SEMA5A: variants seen among roughly 807,000 people sequenced by gnomAD.
SEMA5A encodes semaphorin 5A.
A neutral mutation model predicts 135.5 loss-of-function variants in SEMA5A; 55 were observed. The ratio of observed to expected loss-of-function variants is 0.41; its 90% CI spans 0.33 to 0.51. The LOEUF is 0.51. Ranked by LOEUF, SEMA5A falls within the 20% of genes least tolerant of loss-of-function variation. The probability of loss-of-function intolerance (pLI) is 0.37; values close to 1 mark genes in which losing one functional copy is unlikely to be tolerated. For missense variants in SEMA5A, 1,290 were observed against 1,419.9 expected (o/e 0.91, Z 1.47); for synonymous variants, 580 against 546.5 (o/e 1.06, Z -0.85).
At chr5:9,305,453 T>G (rs1412361210) in intron 5 of SEMA5A, among the ~76,000 whole-genome samples, 8 of 152,006 alleles carry the variant, frequency 5.3e-5, no homozygotes, top group African/African-American at 1.9e-4. Context: ...TTTTCGTAAC[T>G]GGGAACTGCA....
intron 11 of SEMA5A, among the ~76,000 whole-genome samples, chr5:9,163,996 T>TATATA (rs1337995354): frequency 6.9e-6 from 1 of 144,306 alleles, no homozygotes; most frequent in Admixed American, 7.2e-5. Context: ...ATATATTATG[T>TATATA]ATATAATATA....
At chr5:9,251,025 G>A (rs947996688) in intron 5 of SEMA5A, among the ~76,000 whole-genome samples, 1 of 152,162 alleles carries the variant, frequency 6.6e-6, no homozygotes, top group African/African-American at 2.4e-5. Flanking sequence ...GGGACAACTA[G>A]GTCTTGAGAG....
chr5:9,458,879 T>C (rs1243473474), intron 1 of SEMA5A, among the ~76,000 whole-genome samples: 1 of 152,230 alleles, frequency 6.6e-6, no homozygotes, highest in Admixed American at 6.5e-5. Flanking sequence ...CAGATTTGTA[T>C]CAAAGGCATC....
chr5:9,441,746 G>A (rs1443914271), intron 1 of SEMA5A, among the ~76,000 whole-genome samples: 7 of 152,124 alleles, frequency 4.6e-5, no homozygotes, highest in Admixed American at 1.3e-4. Flanking sequence ...AGCCAGCATC[G>A]GCTAGCAGCA....
chr5:9,501,891 C>T (rs1439917783), intron 1 of SEMA5A, among the ~76,000 whole-genome samples: 1 of 152,132 alleles, frequency 6.6e-6, no homozygotes, highest in Admixed American at 6.5e-5. Context: ...AAATGGAAAA[C>T]CCAAAACTTT....
intron 4 of SEMA5A, among the ~76,000 whole-genome samples, chr5:9,323,725 G>T (rs1392609938): frequency 7.5e-6 from 1 of 133,734 alleles, no homozygotes; most frequent in South Asian, 2.5e-4. Flanking sequence ...GCAATGGCAT[G>T]ATCTCGACTC....
At chr5:9,244,075 AT>A (rs1475696976) in intron 5 of SEMA5A, among the ~76,000 whole-genome samples, 1 of 152,194 alleles carries the variant, frequency 6.6e-6, no homozygotes, top group Non-Finnish European at 1.5e-5. Flanking sequence ...AAGGACCATG[AT>A]TTGCCTAATG....
chr5:9,129,469 AT>A (rs1741286837), intron 13 of SEMA5A, among the ~76,000 whole-genome samples: 1 of 152,246 alleles, frequency 6.6e-6, no homozygotes, highest in Non-Finnish European at 1.5e-5. Context: ...TCTGTGTTGC[AT>A]TTAAGCACTT....
chr5:9,379,915 A>G lies in SEMA5A; in HGVS notation c.32T>C (p.Phe11Ser), dbSNP rs1422150016. 1 of 1,613,954 alleles carries G rather than the reference A, an allele frequency of 6.2e-7. No individual in the cohort carries two copies. Among genetic ancestry groups the G allele is most frequent in the Admixed American group, 1.7e-5 (1 of 59,996 alleles). The change falls in exon 3 of 23, where the codon TTC becomes TCC. Residue 11 changes from phenylalanine (F) to serine (S), a missense_variant. Physicochemically the swap from Phe to Ser is radical, Grantham distance 155. Coordinates refer to ENST00000382496, the MANE Select transcript of SEMA5A (RefSeq NM_003966.3). MKGTCVIAWLFSSLGLWRLAH... is the reference protein window; with the variant it reads MKGTCVIAWLSSSLGLWRLAH... ...GAGTCTCCACAGCCCCAGGCTTGAG[A>G]ACAGCCATGCTATAACACAGGTTCC... is the stretch of plus-strand genomic sequence containing the variant.
chr5:9,252,750 T>C (rs903950641), intron 5 of SEMA5A, among the ~76,000 whole-genome samples: 2 of 152,206 alleles, frequency 1.3e-5, no homozygotes, highest in African/African-American at 4.8e-5. Context: ...ATATTCTTCC[T>C]TTATGGTAAA....
At chr5:9,353,285 G>GA (rs1268547709) in intron 3 of SEMA5A, among the ~76,000 whole-genome samples, 1 of 123,700 alleles carries the variant, frequency 8.1e-6, no homozygotes, top group Non-Finnish European at 1.7e-5. Context: ...GAAAGGAAAG[G>GA]AGGGAAAGGA....
chr5:9,508,887 A>G (rs938120968), intron 1 of SEMA5A, among the ~76,000 whole-genome samples: 3 of 152,206 alleles, frequency 2.0e-5, no homozygotes, highest in African/African-American at 4.8e-5. Context: ...GCTTAAAAAC[A>G]TAGGATGAAG....
intron 2 of SEMA5A, among the ~76,000 whole-genome samples, chr5:9,411,553 G>C (rs1757107807): frequency 6.6e-6 from 1 of 152,150 alleles, no homozygotes; most frequent in Admixed American, 6.5e-5. Flanking sequence ...ATCATTACCA[G>C]GTCTCACCCA....
rs79512646 is a variant in SEMA5A, at chr5:9,163,265, A to T, written c.1274-8570T>A. On this transcript the variant is annotated intron_variant, in intron 11 of 22. Transcript: ENST00000382496. ...AAAACCTTCTATTGCTGTTTCATTT[A>T]AAAAAAAAAAGAATTTAGATGACAA... Among the ~76,000 whole-genome samples, 8 of 109,478 alleles carry T rather than the reference A, an allele frequency of 7.3e-5. No homozygotes were observed. The East Asian group carries it at 1.1e-3, about 15-fold the overall frequency. 71.8% of individuals were successfully genotyped at this position (109,478 alleles called of 152,430 possible).
At chr5:9,501,718 G>A (rs1324035881) in intron 1 of SEMA5A, among the ~76,000 whole-genome samples, 1 of 152,116 alleles carries the variant, frequency 6.6e-6, no homozygotes, top group African/African-American at 2.4e-5. Context: ...CGCCAAAGAT[G>A]ACTGAGCAAA....
intron 1 of SEMA5A, among the ~76,000 whole-genome samples, chr5:9,447,252 G>C (rs1758468008): frequency 6.6e-6 from 1 of 152,188 alleles, no homozygotes; most frequent in Non-Finnish European, 1.5e-5. Flanking sequence ...TGGGCTCTCT[G>C]TGACTTCACT....
intron 5 of SEMA5A, among the ~76,000 whole-genome samples, chr5:9,312,505 T>A (rs1333863688): frequency 6.6e-6 from 1 of 152,190 alleles, no homozygotes; most frequent in Non-Finnish European, 1.5e-5. Context: ...AGACATCTTC[T>A]CTTAATATGT....
chr5:9,153,605 C>T (rs958291989), intron 12 of SEMA5A, among the ~76,000 whole-genome samples: 37 of 120,506 alleles, frequency 3.1e-4, no homozygotes, highest in Admixed American at 7.9e-4. Context: ...AGGACAGTGG[C>T]GGGGGAGGGG....
At chr5:9,315,344 A>T (rs1050678173) in intron 5 of SEMA5A, among the ~76,000 whole-genome samples, 1 of 152,160 alleles carries the variant, frequency 6.6e-6, no homozygotes, top group Non-Finnish European at 1.5e-5. Context: ...ATCTTTTAGC[A>T]TGCTTTTCCA....
Sources: allele counts gnomAD v4.1 joint callset (sites outside exome capture counted in the v4.1 genomes callset), GRCh38; gene constraint gnomAD v4.1.1; transcripts MANE v1.5; gene names NCBI Gene and HGNC (gene_info 2026-07-23, HGNC 2026-07-21).